Variants in ABCA13 observed in about 807,000 individuals in gnomAD.
ABCA13 encodes ATP-binding cassette sub-family A member 13.
ABCA13 carries 476 observed loss-of-function variants against 478.7 expected under a neutral mutation model. The ratio of observed to expected loss-of-function variants is 0.99; its 90% CI spans 0.92 to 1.07. The LOEUF (loss-of-function observed/expected upper bound fraction) is 1.07, where lower values mean the gene tolerates loss of function less well. Ranked by LOEUF, ABCA13 falls within the 50% of genes least tolerant of loss-of-function variation. The probability of loss-of-function intolerance (pLI) is 0.00; values close to 1 mark genes in which losing one functional copy is unlikely to be tolerated. For synonymous variants in ABCA13, 2,252 were observed against 2,158.9 expected (o/e 1.04, Z -1.20); for missense variants, 6,060 against 5,910.6 (o/e 1.03, Z -0.83).
In ABCA13 at chr7:48,372,408, AC is replaced by A. The variant is rs1270692962; in HGVS notation, c.11046del (p.Ser3683AlafsTer5). The A allele has an allele frequency of 1.9e-6, 3 of 1,613,574 alleles. No homozygotes were observed. Among genetic ancestry groups the A allele is most frequent in the South Asian group, 2.2e-5 (2 of 91,066 alleles). On this transcript the variant is annotated frameshift_variant, in exon 33 of 62. Coordinates refer to ENST00000435803, the MANE Select transcript of ABCA13 (RefSeq NM_152701.5). LOFTEE classifies it high-confidence loss of function. Reference sequence around the variant, plus strand: ...CCAAGCTAATACAGCGGCCCTTTGTACCAGCCTGGTGTACATGATCAGCTTT... The same window carrying A: ...CCAAGCTAATACAGCGGCCCTTTGTACAGCCTGGTGTACATGATCAGCTTT... ...FSQANTAALC[T>X]SLVYMISFLP...
intron 35 of ABCA13, among the ~76,000 whole-genome samples, chr7:48,385,970 T>A (rs951810718): frequency 3.3e-5 from 5 of 152,194 alleles, no homozygotes; most frequent in Admixed American, 1.3e-4. Flanking sequence ...TTGAGAAGTG[T>A]CTCTTTATAT....
At chr7:48,407,326 A>G (rs2129083100) in intron 39 of ABCA13, among the ~76,000 whole-genome samples, 1 of 151,916 alleles carries the variant, frequency 6.6e-6, no homozygotes, top group Middle Eastern at 3.4e-3. Flanking sequence ...ATACAAAAAA[A>G]TTAACCAGGT....
In ABCA13 at chr7:48,198,323, A is replaced by AC; in HGVS notation, c.250_251insC (p.Asn84ThrfsTer5). On this transcript the variant is annotated frameshift_variant, in exon 3 of 62. Transcript: ENST00000435803. LOFTEE classifies it high-confidence loss of function. Reference sequence around the variant, plus strand: ...TTGTAACACTGGATCAAGGTGTAGGAACTTCAGCTATGAAGGGTCAATGGA... The same window carrying AC: ...TTGTAACACTGGATCAAGGTGTAGGACACTTCAGCTATGAAGGGTCAATGGA... The AC allele has an allele frequency of 6.2e-7, 1 of 1,613,860 alleles. No individual in the cohort carries two copies. The highest frequency in any genetic ancestry group is 2.2e-5 in the East Asian group (1 of 44,870).
intron 55 of ABCA13, among the ~76,000 whole-genome samples, chr7:48,530,343 G>T (rs1175180773): frequency 2.0e-5 from 3 of 151,442 alleles, no homozygotes; most frequent in East Asian, 1.9e-4. Context: ...TACATATATA[G>T]ATGTATATAT....
chr7:48,282,604 C>G (rs975262551), intron 19 of ABCA13, among the ~76,000 whole-genome samples: 15 of 152,262 alleles, frequency 9.9e-5, no homozygotes, highest in African/African-American at 3.6e-4. Context: ...GGACTCCCTG[C>G]CCCCTAGCTC....
intron 46 of ABCA13, among the ~76,000 whole-genome samples, chr7:48,481,782 A>G (rs1828796553): frequency 6.6e-6 from 1 of 152,082 alleles, no homozygotes; most frequent in Non-Finnish European, 1.5e-5. Context: ...TGCTAGGATT[A>G]CAGGCATGAG....
Position 48,278,083 on chromosome 7 carries a change from TA to T in ABCA13, c.6900-10del, listed in dbSNP as rs1562950799. 1,568 of 1,003,408 alleles carry T rather than the reference TA, an allele frequency of 1.6e-3. No individual in the cohort carries two copies. The highest frequency in any genetic ancestry group is 2.6e-3 in the Middle Eastern group (8 of 3,062). The allele number at this position is 1,003,408 out of a possible 1,614,324, so 62.2% of individuals were successfully genotyped here. A position where few individuals can be genotyped will look rare whatever the true frequency, so the allele number is the denominator to read the frequency against. Reference sequence around the variant, plus strand: ...ATTAAATTAAAAGTATATATATATATATATTTACAGTTTTGTCCCAAAAGAT... The same window carrying T: ...ATTAAATTAAAAGTATATATATATATTATTTACAGTTTTGTCCCAAAAGAT... On this transcript the variant is annotated splice_polypyrimidine_tract_variant and intron_variant, in intron 17 of 61. Coordinates refer to ENST00000435803, the MANE Select transcript of ABCA13 (RefSeq NM_152701.5).
chr7:48,447,946 T>C (rs1040585601), intron 42 of ABCA13, among the ~76,000 whole-genome samples: 3 of 152,146 alleles, frequency 2.0e-5, no homozygotes, highest in South Asian at 2.1e-4. Context: ...GAAGATTTGA[T>C]AGTAGGGAAA....
chr7:48,487,344 A>C (rs2130648654), intron 47 of ABCA13, among the ~76,000 whole-genome samples: 1 of 148,440 alleles, frequency 6.7e-6, no homozygotes, highest in South Asian at 2.2e-4. Context: ...CAAAAAAAAC[A>C]AACAAACACA....
intron 24 of ABCA13, among the ~76,000 whole-genome samples, 159 bp downstream of exon 24, chr7:48,310,300 C>T (rs559474464): frequency 3.3e-5 from 5 of 152,228 alleles, no homozygotes; most frequent in South Asian, 4.1e-4. Context: ...TTTGCTGAAT[C>T]CAAGGTGGGG....
At chr7:48,312,016 AGT>A (rs1801853461) in intron 24 of ABCA13, among the ~76,000 whole-genome samples, 1 of 152,174 alleles carries the variant, frequency 6.6e-6, no homozygotes, top group South Asian at 2.1e-4. Flanking sequence ...TAGAAAGATG[AGT>A]AGAAGAAGTG....
chr7:48,380,522 G>T (rs1041878556), intron 35 of ABCA13, among the ~76,000 whole-genome samples: 2 of 152,164 alleles, frequency 1.3e-5, no homozygotes, highest in African/African-American at 2.4e-5. Flanking sequence ...CGGAAACTTT[G>T]AGTTTATATG....
At chr7:48,320,107 T>C (rs1803219782) in intron 27 of ABCA13, among the ~76,000 whole-genome samples, 1 of 152,198 alleles carries the variant, frequency 6.6e-6, no homozygotes, top group African/African-American at 2.4e-5. Context: ...AAGGTAAACT[T>C]AGGGACATTA....
intron 7 of ABCA13, among the ~76,000 whole-genome samples, chr7:48,231,971 T>C (rs896517033): frequency 3.3e-5 from 5 of 152,114 alleles, no homozygotes; most frequent in African/African-American, 1.2e-4. Context: ...CCTGAACTAT[T>C]GTACAATGAG....
Position 48,455,206 on chromosome 7 carries a change from G to T in ABCA13, c.12735G>T (p.Met4245Ile). 1 of 1,596,650 alleles carries T rather than the reference G, an allele frequency of 6.3e-7. No homozygotes were observed. Among genetic ancestry groups the T allele is most frequent in the Non-Finnish European group, 8.5e-7 (1 of 1,172,016 alleles). The change falls in exon 43 of 62, where the codon ATG (methionine) becomes ATT (isoleucine). Residue 4245 changes from methionine to isoleucine, a missense_variant. Met to Ile is a conservative substitution (Grantham distance 10). Transcript: ENST00000435803. ...LFVALAMGLF[M>I]VRPLATEYPP... Reference sequence around the variant, plus strand: ...TGGCCTTGGCCATGGGCTTGTTCATGGTGAGACCCCTGGCCACCGAGTACC... The same window carrying T: ...TGGCCTTGGCCATGGGCTTGTTCATTGTGAGACCCCTGGCCACCGAGTACC...
At chr7:48,393,307 C>T (rs1038435962) in intron 38 of ABCA13, among the ~76,000 whole-genome samples, 1 of 152,190 alleles carries the variant, frequency 6.6e-6, no homozygotes, top group Admixed American at 6.5e-5. Flanking sequence ...CTGGGCTCTG[C>T]CCCCTCAGGA....
intron 3 of ABCA13, among the ~76,000 whole-genome samples, chr7:48,210,501 C>A (rs1407538288): frequency 6.6e-6 from 1 of 151,914 alleles, no homozygotes; most frequent in Non-Finnish European, 1.5e-5. Context: ...CTTAATACTA[C>A]TTTTGCTGTA....
chr7:48,514,021 A>C (rs1831917578), intron 51 of ABCA13, among the ~76,000 whole-genome samples: 1 of 152,222 alleles, frequency 6.6e-6, no homozygotes, highest in Non-Finnish European at 1.5e-5. Flanking sequence ...ATAACCCAAC[A>C]TGGAAACCTT....
At chr7:48,571,655 A>T (rs1299649668) in intron 55 of ABCA13, among the ~76,000 whole-genome samples, 1 of 152,022 alleles carries the variant, frequency 6.6e-6, no homozygotes, top group Non-Finnish European at 1.5e-5. Context: ...GAAGTCTTTG[A>T]CAGTTTGATT....
Sources: gnomAD v4.1 joint callset for allele counts (sites outside exome capture counted in the v4.1 genomes callset) on GRCh38, gnomAD v4.1.1 for gene constraint, MANE v1.5 for transcripts, NCBI Gene and HGNC (gene_info 2026-07-23, HGNC 2026-07-21) for gene names.